GRID1: variants seen among roughly 807,000 people sequenced by gnomAD.
The protein encoded by GRID1 is glutamate ionotropic receptor delta type subunit 1.
A neutral mutation model predicts 98.0 loss-of-function variants in GRID1; 28 were observed. That is an observed-to-expected ratio of 0.29 (90% CI 0.21 to 0.39). GRID1 has a LOEUF of 0.39. Among genes scored for constraint, GRID1 ranks in the 10% least tolerant of loss-of-function variants. The probability of loss-of-function intolerance (pLI) is 1.00; values close to 1 mark genes in which losing one functional copy is unlikely to be tolerated. For synonymous variants in GRID1, 553 were observed against 538.5 expected, an observed-to-expected ratio of 1.03 and a Z score of -0.37; for missense variants, 1,111 against 1,340.5, an observed-to-expected ratio of 0.83 and a Z score of 2.67.
At chr10:86,352,085 A>G (rs1257102399) in intron 2 of GRID1, among the ~76,000 whole-genome samples, 2 of 152,178 alleles carry the variant, frequency 1.3e-5, no homozygotes, top group African/African-American at 4.8e-5. Context: ...AGCGGATCAC[A>G]AGGTCAGGAG....
At chr10:86,151,012 G>C (rs561361453) in intron 3 of GRID1, among the ~76,000 whole-genome samples, 2 of 152,162 alleles carry the variant, frequency 1.3e-5, no homozygotes, top group Admixed American at 6.5e-5. Flanking sequence ...TCTTATCCAG[G>C]TCTGACTTCT....
At chr10:85,775,265 G>T (rs1189080823) in intron 8 of GRID1, among the ~76,000 whole-genome samples, 8 of 136,286 alleles carry the variant, frequency 5.9e-5, no homozygotes, top group Non-Finnish European at 1.5e-5. Flanking sequence ...TCATAGGTGG[G>T]AATTGAACAA....
At chr10:85,946,203 C>T (rs1051328485) in intron 4 of GRID1, among the ~76,000 whole-genome samples, 1 of 152,148 alleles carries the variant, frequency 6.6e-6, no homozygotes, top group African/African-American at 2.4e-5. Context: ...AAAATTTTCT[C>T]CCCATTTCAT....
At chr10:85,844,095 C>A (rs1842984400) in intron 8 of GRID1, among the ~76,000 whole-genome samples, 2 of 152,040 alleles carry the variant, frequency 1.3e-5, no homozygotes, top group African/African-American at 4.8e-5. Context: ...GAGAGAAACT[C>A]TTGACACATG....
intron 2 of GRID1, among the ~76,000 whole-genome samples, chr10:86,292,697 G>C (rs559237826): frequency 1.2e-4 from 18 of 152,296 alleles, no homozygotes; most frequent in East Asian, 1.9e-4. Flanking sequence ...GTGGGTGAGT[G>C]TGAGTGTGGA....
At chr10:85,984,785 A>G (rs918689607) in intron 4 of GRID1, among the ~76,000 whole-genome samples, 3 of 152,142 alleles carry the variant, frequency 2.0e-5, no homozygotes, top group Admixed American at 1.3e-4. Context: ...GTACATTCAC[A>G]GCCCCCACCT....
intron 12 of GRID1, among the ~76,000 whole-genome samples, chr10:85,712,667 T>A (rs1841594838): frequency 6.6e-6 from 1 of 151,852 alleles, no homozygotes; most frequent in Admixed American, 6.6e-5. Context: ...ATATTACCTG[T>A]TAGACCACAA....
chr10:85,661,810 C>T (rs539893424), intron 12 of GRID1, among the ~76,000 whole-genome samples: 14 of 152,364 alleles, frequency 9.2e-5, no homozygotes, highest in African/African-American at 3.1e-4. Flanking sequence ...CAATGTCTTC[C>T]TCCGTGGGAG....
chr10:85,661,407 T>C (rs558141712), intron 12 of GRID1, among the ~76,000 whole-genome samples: 2 of 152,326 alleles, frequency 1.3e-5, no homozygotes, highest in East Asian at 3.9e-4. Flanking sequence ...AGCAGCATCA[T>C]GCACTTTTTT....
chr10:86,323,503 A>G (rs1847999046), intron 2 of GRID1, among the ~76,000 whole-genome samples: 1 of 152,252 alleles, frequency 6.6e-6, no homozygotes, highest in African/African-American at 2.4e-5. Flanking sequence ...GGAAGGAAAC[A>G]GGCATTTTCA....
chr10:86,347,525 A>T (rs1848402638), intron 2 of GRID1, among the ~76,000 whole-genome samples: 1 of 152,184 alleles, frequency 6.6e-6, no homozygotes, highest in African/African-American at 2.4e-5. Flanking sequence ...CTTGTTAAAT[A>T]ATCCCCCTCT....
At chr10:86,328,568 G>A (rs528020752) in intron 2 of GRID1, among the ~76,000 whole-genome samples, 2 of 152,288 alleles carry the variant, frequency 1.3e-5, no homozygotes, top group African/African-American at 2.4e-5. Context: ...GGGCTTTTCC[G>A]CATGTCCTCA....
At chr10:85,907,192 A>G (rs1261408156) in intron 5 of GRID1, among the ~76,000 whole-genome samples, 1 of 152,066 alleles carries the variant, frequency 6.6e-6, no homozygotes, top group Non-Finnish European at 1.5e-5. Context: ...GCTCACTGCA[A>G]CCTCCACCTC....
chr10:85,795,187 A>G (rs1267025470), intron 8 of GRID1, among the ~76,000 whole-genome samples: 1 of 152,196 alleles, frequency 6.6e-6, no homozygotes, highest in Non-Finnish European at 1.5e-5. Flanking sequence ...TCACCACAGA[A>G]GGATATTCTA....
chr10:85,847,812 A>G (rs1843021054), intron 8 of GRID1, among the ~76,000 whole-genome samples: 1 of 152,210 alleles, frequency 6.6e-6, no homozygotes, highest in African/African-American at 2.4e-5. Context: ...AAACACAAAT[A>G]TAAGAAAATG....
chr10:86,143,275 C>T (rs1255122352), intron 3 of GRID1, among the ~76,000 whole-genome samples: 4 of 152,188 alleles, frequency 2.6e-5, no homozygotes, highest in African/African-American at 9.7e-5. Context: ...GAGCCCAAGC[C>T]CATGCTGCAG....
At chr10:86,234,027 C>A (rs934459376) in intron 2 of GRID1, among the ~76,000 whole-genome samples, 1 of 152,150 alleles carries the variant, frequency 6.6e-6, no homozygotes, top group Non-Finnish European at 1.5e-5. Flanking sequence ...CTACCTGCTC[C>A]AGTTGCTGTC....
At chr10:86,178,601 G>A (rs181404619) in intron 3 of GRID1, among the ~76,000 whole-genome samples, 6 of 151,670 alleles carry the variant, frequency 4.0e-5, no homozygotes, top group South Asian at 4.2e-4. Context: ...ACCAGCAGGC[G>A]GCTCGTGCAT....
At chr10:85,797,412 C>A (rs981161181) in intron 8 of GRID1, among the ~76,000 whole-genome samples, 2 of 151,638 alleles carry the variant, frequency 1.3e-5, no homozygotes, top group African/African-American at 4.8e-5. Context: ...TATTTCTGTA[C>A]TTATTTTTAT....
Sources: gnomAD v4.1 joint callset for allele counts (sites outside exome capture counted in the v4.1 genomes callset) on GRCh38, gnomAD v4.1.1 for gene constraint, MANE v1.5 for transcripts, NCBI Gene and HGNC (gene_info 2026-07-23, HGNC 2026-07-21) for gene names.